The following ADCY9 variants were observed in gnomAD, a reference collection of about 807,000 sequenced individuals.
ADCY9 encodes adenylate cyclase 9.
Under a neutral mutation model 101.5 loss-of-function variants are expected in ADCY9, and 50 were observed. The ratio of observed to expected loss-of-function variants is 0.49; its 90% CI spans 0.39 to 0.62. ADCY9 has a LOEUF of 0.62. ADCY9 is among the 20% of genes least tolerant of loss of function. The pLI is 0.00. For missense variants in ADCY9, 1,662 were observed against 1,800.4 expected (o/e 0.92, Z 1.39); for synonymous variants, 905 against 769.3 (o/e 1.18, Z -2.92).
chr16:3,971,050 T>C (rs2601782), intron 10 of ADCY9, among the ~76,000 whole-genome samples: 120,802 of 151,996 alleles, frequency 0.79, 48,543 homozygotes, highest in Non-Finnish European at 0.85. Flanking sequence ...GCCTACACTG[T>C]CTAAATAAGG....
At chr16:3,983,185 G>C in intron 7 of ADCY9, 47 bp downstream of exon 7, 1 of 1,492,674 alleles carries the variant, frequency 6.7e-7, no homozygotes, top group Non-Finnish European at 9.0e-7. Context: ...AGCCAGAAGA[G>C]GGAGCTAACG....
chr16:3,971,080 G>C (rs181161586), intron 10 of ADCY9, among the ~76,000 whole-genome samples: 1 of 152,084 alleles, frequency 6.6e-6, no homozygotes, highest in African/African-American at 2.4e-5. Flanking sequence ...CTGAATACCC[G>C]CTTTCCTGCT....
At chr16:4,036,159 T>A (rs543518836) in intron 2 of ADCY9, among the ~76,000 whole-genome samples, 1 of 151,748 alleles carries the variant, frequency 6.6e-6, no homozygotes, top group African/African-American at 2.4e-5. Context: ...GTAGGCTGAT[T>A]TCATCCACCA....
At chr16:4,098,509 C>T (rs1157412108) in intron 2 of ADCY9, among the ~76,000 whole-genome samples, 1 of 152,152 alleles carries the variant, frequency 6.6e-6, no homozygotes, top group African/African-American at 2.4e-5. Context: ...GCTGGGATTA[C>T]AGGCATGAGC....
chr16:4,102,761 G>A (rs1358520162), intron 2 of ADCY9, among the ~76,000 whole-genome samples: 4 of 151,696 alleles, frequency 2.6e-5, no homozygotes, highest in Admixed American at 6.6e-5. Flanking sequence ...TCGCTCTGTC[G>A]CCCAGGCTGG....
rs1473159833 is a variant in ADCY9, at chr16:3,979,613, C to T, written c.2520-338G>A. Among the ~76,000 whole-genome samples the T allele has an allele frequency of 2.0e-5, 3 of 152,380 alleles. No homozygotes were observed. The East Asian group carries it at 5.8e-4, about 29-fold the overall frequency. On this transcript the variant is annotated intron_variant, in intron 7 of 10. Coordinates refer to ENST00000294016, the MANE Select transcript of ADCY9 (RefSeq NM_001116.4). ...CCTGGGGGCCACCACGTTGCCGTCA[C>T]CGGCTCCCATCAGCTTCTGAGGCAG...
Position 3,962,801 on chromosome 16 carries a change from G to A in ADCY9, c.*2974C>T, listed in dbSNP as rs1016847879. 6.6e-6 allele frequency: 1 copy of A among 152,434 alleles called. No homozygotes were observed. The highest frequency in any genetic ancestry group is 1.5e-5 in the Non-Finnish European group (1 of 68,030). The allele number at this position is 152,434 out of a possible 1,614,324, so 9.4% of individuals were successfully genotyped here. ...TAATTCAATTTCAGATTCTAGGCATGATGTGATTTTCCAAACAACCAATTA... is the reference window on the plus strand; with the variant it reads ...TAATTCAATTTCAGATTCTAGGCATAATGTGATTTTCCAAACAACCAATTA... On this transcript the variant is annotated 3_prime_UTR_variant, in exon 11 of 11. Transcript: ENST00000294016.
chr16:4,114,988 A>G lies in ADCY9; in HGVS notation c.455T>C (p.Phe152Ser). The G allele has an allele frequency of 1.9e-6, 3 of 1,614,046 alleles. No homozygotes were observed. The highest frequency in any genetic ancestry group is 2.5e-6 in the Non-Finnish European group (3 of 1,180,026). ...LIVMVAPALC[F>S]LLVCVGFFLF... ...AAAGAAGCCCACACACACCAGGAGG[A>G]AGCACAGCGCGGGGGCGACCATGAC... The change falls in exon 2 of 11, where the codon TTC becomes TCC. Residue 152 changes from phenylalanine (F) to serine (S), a missense_variant. Physicochemically the swap from Phe to Ser is radical, Grantham distance 155. This residue lies in a region of ADCY9 where 422 missense variants were observed against 392.0 expected (regional missense o/e 1.08). Transcript: ENST00000294016. This position sits in a 1 kb window ranked among gnomAD's most constrained non-coding sequence, Gnocchi z 4.3.
rs374051880 is a variant in ADCY9, at chr16:4,074,543, A to C, written c.1693+39207T>G. The stretch of plus-strand genomic sequence containing the variant: ...GGATCTGCCTCCGCAAAAAAAAAAA[A>C]ACAAAATTTAAATTAAAAAAACAAT... On this transcript the variant is annotated intron_variant, in intron 2 of 10. Coordinates refer to ENST00000294016, the MANE Select transcript of ADCY9 (RefSeq NM_001116.4). 7.9e-5 allele frequency among the ~76,000 whole-genome samples: 12 copies of C among 151,480 alleles called. No homozygotes were observed. The East Asian group carries it at 9.7e-4, about 12-fold the overall frequency.
chr16:4,050,773 G>A (rs1050812204), intron 2 of ADCY9, among the ~76,000 whole-genome samples: 4 of 149,422 alleles, frequency 2.7e-5, no homozygotes, highest in East Asian at 2.0e-4. Context: ...CCTTGTAGCC[G>A]TAATAGCCCA....
intron 10 of ADCY9, among the ~76,000 whole-genome samples, chr16:3,969,376 A>G (rs2141674158): frequency 6.7e-6 from 1 of 148,298 alleles, no homozygotes; most frequent in African/African-American, 2.5e-5. Flanking sequence ...CCTCCTGAGT[A>G]GTGTGCGCCA....
downstream of ADCY9, among the ~76,000 whole-genome samples, chr16:3,958,818 C>T (rs976077850): frequency 6.6e-6 from 1 of 151,152 alleles, no homozygotes; most frequent in South Asian, 2.1e-4. Flanking sequence ...CCACAGGCAC[C>T]CACCACTACG....
intron 6 of ADCY9, 116 bp from the exon 7 acceptor site, chr16:3,983,556 G>C: frequency 2.3e-6 from 2 of 854,984 alleles, no homozygotes; most frequent in Non-Finnish European, 3.7e-6. Flanking sequence ...GCCAGGCACA[G>C]GGCAGGAAGG....
At chr16:3,980,201 A>G (rs1200995887) in intron 7 of ADCY9, among the ~76,000 whole-genome samples, 4 of 152,210 alleles carry the variant, frequency 2.6e-5, no homozygotes, top group African/African-American at 7.2e-5. Flanking sequence ...TTGTCCTTCT[A>G]AGCAGAGCGA....
chr16:4,042,656 A>T (rs561555896), intron 2 of ADCY9, among the ~76,000 whole-genome samples: 2 of 152,332 alleles, frequency 1.3e-5, no homozygotes, highest in African/African-American at 4.8e-5. Flanking sequence ...ATGAACATAT[A>T]GTTATTTTTA....
chr16:3,998,749 G>GAAAAGAAAAGA (rs1352047433), intron 3 of ADCY9, among the ~76,000 whole-genome samples: 1 of 89,718 alleles, frequency 1.1e-5, no homozygotes, highest in Non-Finnish European at 2.0e-5. Context: ...AAGAAAGAAA[G>GAAAAGAAAAGA]AAAGAAAAGA....
chr16:3,984,492 A>G (rs1345828785), intron 6 of ADCY9, among the ~76,000 whole-genome samples: 9 of 152,102 alleles, frequency 5.9e-5, no homozygotes, highest in African/African-American at 2.2e-4. Context: ...TGCGATCTCC[A>G]TTGACGCTCA....
At chr16:4,060,097 T>C (rs2056765305) in intron 2 of ADCY9, among the ~76,000 whole-genome samples, 1 of 152,132 alleles carries the variant, frequency 6.6e-6, no homozygotes, top group Non-Finnish European at 1.5e-5. Context: ...GGAGAGCACA[T>C]GCCCAAAGGC....
intron 2 of ADCY9, among the ~76,000 whole-genome samples, chr16:4,054,950 C>T (rs549880761): frequency 6.6e-6 from 1 of 152,248 alleles, no homozygotes; most frequent in South Asian, 2.1e-4. Context: ...AGGGTTTTTG[C>T]GGGTTTTACA....
Sources: allele counts gnomAD v4.1 joint callset (sites outside exome capture counted in the v4.1 genomes callset), GRCh38; gene constraint gnomAD v4.1.1; regional missense constraint gnomAD v4.1.1; non-coding constraint Gnocchi (gnomAD v3.1); transcripts MANE v1.5; gene names NCBI Gene and HGNC (gene_info 2026-07-23, HGNC 2026-07-21).